The following SLC9A9 variants were observed in gnomAD, a reference collection of about 807,000 sequenced individuals.
The protein encoded by SLC9A9 is sodium/hydrogen exchanger 9.
SLC9A9 carries 62 observed loss-of-function variants against 77.8 expected under a neutral mutation model. That is an observed-to-expected ratio of 0.80 (90% CI 0.65 to 0.98). SLC9A9 has a LOEUF of 0.98. Ranked by LOEUF, SLC9A9 falls within the 50% of genes least tolerant of loss-of-function variation. The pLI is 0.00. For missense variants in SLC9A9, 775 were observed against 774.9 expected (o/e 1.00, Z 0.00); for synonymous variants, 320 against 283.5 (o/e 1.13, Z -1.29).
chr3:143,507,867 G>T (rs1240817530), intron 9 of SLC9A9, among the ~76,000 whole-genome samples: 1 of 152,130 alleles, frequency 6.6e-6, no homozygotes, highest in Non-Finnish European at 1.5e-5. Flanking sequence ...CTCTTTGGTT[G>T]TATCTTCATA....
At chr3:143,559,383 C>T (rs1050207574) in intron 8 of SLC9A9, among the ~76,000 whole-genome samples, 2 of 152,188 alleles carry the variant, frequency 1.3e-5, no homozygotes, top group East Asian at 3.8e-4. Context: ...GGTAGAGTAG[C>T]TACTGCGACG....
At chr3:143,683,934 T>C (rs1352214803) in intron 5 of SLC9A9, among the ~76,000 whole-genome samples, 1 of 152,042 alleles carries the variant, frequency 6.6e-6, no homozygotes, top group Non-Finnish European at 1.5e-5. Flanking sequence ...TGTATTATAC[T>C]GATGGAAAAA....
intron 6 of SLC9A9, among the ~76,000 whole-genome samples, chr3:143,584,336 G>A (rs1006544905): frequency 4.6e-5 from 7 of 152,174 alleles, no homozygotes; most frequent in African/African-American, 1.4e-4. Context: ...CTCCCTGACC[G>A]GTCCTCTCAA....
At chr3:143,503,601 G>T in intron 9 of SLC9A9, 1 of 442,238 alleles carries the variant, frequency 2.3e-6, no homozygotes, top group South Asian at 1.6e-5. Context: ...TGAGCTTCCT[G>T]GTTCAGCTCA....
intron 6 of SLC9A9, among the ~76,000 whole-genome samples, chr3:143,596,925 G>T (rs1375791327): frequency 6.6e-6 from 1 of 152,140 alleles, no homozygotes; most frequent in African/African-American, 2.4e-5. Context: ...GTCTCCCAAA[G>T]TGCTGGGATT....
intron 12 of SLC9A9, among the ~76,000 whole-genome samples, chr3:143,416,249 T>C (rs1461485400): frequency 6.6e-6 from 1 of 152,192 alleles, no homozygotes; most frequent in Non-Finnish European, 1.5e-5. Context: ...GTTTAGTATA[T>C]TATACAAACT....
chr3:143,462,894 A>T (rs1186612625), intron 12 of SLC9A9, among the ~76,000 whole-genome samples: 1 of 152,194 alleles, frequency 6.6e-6, no homozygotes, highest in Non-Finnish European at 1.5e-5. Flanking sequence ...GGCTCCCCAG[A>T]TTGGAGCCTG....
At chr3:143,617,955 C>A (rs1880662) in intron 6 of SLC9A9, among the ~76,000 whole-genome samples, 2 of 151,272 alleles carry the variant, frequency 1.3e-5, no homozygotes, top group East Asian at 3.9e-4. Context: ...GAATGGACTA[C>A]AGGAGAGAGA....
intron 14 of SLC9A9, among the ~76,000 whole-genome samples, chr3:143,282,261 C>T (rs1356779265): frequency 6.6e-6 from 1 of 152,166 alleles, no homozygotes; most frequent in Non-Finnish European, 1.5e-5. Flanking sequence ...CACATACCCC[C>T]CCAAACCCAC....
intron 5 of SLC9A9, among the ~76,000 whole-genome samples, chr3:143,681,124 T>C (rs998596321): frequency 7.2e-5 from 11 of 152,194 alleles, no homozygotes; most frequent in Admixed American, 6.5e-4. Flanking sequence ...GATAACTGTT[T>C]GGCTACTCCC....
intron 6 of SLC9A9, among the ~76,000 whole-genome samples, chr3:143,594,523 C>T (rs1258662018): frequency 6.6e-6 from 1 of 152,114 alleles, no homozygotes; most frequent in East Asian, 1.9e-4. Context: ...AGTGGTAGGA[C>T]TGACATTAGA....
intron 12 of SLC9A9, among the ~76,000 whole-genome samples, chr3:143,426,099 C>T (rs369553310): frequency 1.3e-5 from 2 of 151,956 alleles, no homozygotes; most frequent in East Asian, 1.9e-4. Context: ...AGTATTATAT[C>T]GTTAAGTGCC....
intron 5 of SLC9A9, among the ~76,000 whole-genome samples, chr3:143,666,547 C>T (rs951513002): frequency 6.6e-6 from 1 of 152,148 alleles, no homozygotes; most frequent in African/African-American, 2.4e-5. Context: ...ATCAAATTGT[C>T]CCTGTTTGCA....
intron 12 of SLC9A9, among the ~76,000 whole-genome samples, chr3:143,452,870 G>C (rs2035032083): frequency 1.3e-5 from 2 of 152,172 alleles, no homozygotes; most frequent in South Asian, 4.2e-4. Flanking sequence ...TTATCTAAGA[G>C]AATGTCCTCA....
chr3:143,544,217 TTTTTCTTTTTC>T (rs2108632574), intron 9 of SLC9A9, among the ~76,000 whole-genome samples: 2 of 152,254 alleles, frequency 1.3e-5, no homozygotes, highest in South Asian at 4.2e-4. Flanking sequence ...TCCAATTTTC[TTTTTCTTTTTC>T]TTTTCTTTTT....
chr3:143,478,442 T>G (rs541627185), intron 11 of SLC9A9, among the ~76,000 whole-genome samples: 1 of 152,248 alleles, frequency 6.6e-6, no homozygotes, highest in East Asian at 1.9e-4. Flanking sequence ...TCTGGAGCAG[T>G]CTTCCAGGCA....
At chr3:143,533,964 A>G (rs1262873899) in intron 9 of SLC9A9, among the ~76,000 whole-genome samples, 1 of 152,224 alleles carries the variant, frequency 6.6e-6, no homozygotes, top group Non-Finnish European at 1.5e-5. Flanking sequence ...AAGTTGGAAT[A>G]ATTTACAAAG....
At chr3:143,785,845 CTTTTTTTTTTTTTT>C (rs57552730) in intron 4 of SLC9A9, among the ~76,000 whole-genome samples, 4 of 112,992 alleles carry the variant, frequency 3.5e-5, no homozygotes, top group Non-Finnish European at 7.6e-5. Context: ...TTGAATTTTT[CTTTTTTTTTTTTTT>C]TTTTTTTTTT....
chr3:143,536,720 A>G (rs894288161), intron 9 of SLC9A9, among the ~76,000 whole-genome samples: 3 of 152,228 alleles, frequency 2.0e-5, no homozygotes, highest in African/African-American at 7.2e-5. Flanking sequence ...CTGCCTGTGA[A>G]TATAAATGTA....
Sources: allele counts gnomAD v4.1 joint callset (sites outside exome capture counted in the v4.1 genomes callset), GRCh38; gene constraint gnomAD v4.1.1; transcripts MANE v1.5; gene names NCBI Gene and HGNC (gene_info 2026-07-23, HGNC 2026-07-21).